Variants in ZCCHC24 observed in about 807,000 individuals in gnomAD.
The protein encoded by ZCCHC24 is zinc finger CCHC-type containing 24, also known as zinc finger CCHC domain-containing protein 24.
In ZCCHC24, 10 loss-of-function variants were observed where a neutral mutation model predicts 26.2. The observed-to-expected ratio is 0.38, with a 90% CI of 0.24 to 0.65. The LOEUF (loss-of-function observed/expected upper bound fraction) is 0.65, where lower values mean the gene tolerates loss of function less well. ZCCHC24 is among the 30% of genes least tolerant of loss of function. ZCCHC24 has a pLI of 0.54. For missense variants in ZCCHC24, 243 were observed against 329.1 expected, an observed-to-expected ratio of 0.74 and a Z score of 2.03; for synonymous variants, 144 against 147.1, an observed-to-expected ratio of 0.98 and a Z score of 0.15.
intron 2 of ZCCHC24, among the ~76,000 whole-genome samples, chr10:79,417,106 C>A (rs1447020178): frequency 6.6e-6 from 1 of 152,180 alleles, no homozygotes; most frequent in Non-Finnish European, 1.5e-5. Flanking sequence ...GGATCACAAT[C>A]AAAAGAGAAT....
chr10:79,406,243 A>G (rs1856710347), intron 2 of ZCCHC24, among the ~76,000 whole-genome samples: 1 of 152,182 alleles, frequency 6.6e-6, no homozygotes, highest in South Asian at 2.1e-4. Context: ...GCTTCGAACC[A>G]TGGCCTTTCT....
At chr10:79,422,907 G>T (rs1856967464) in intron 2 of ZCCHC24, among the ~76,000 whole-genome samples, 1 of 152,242 alleles carries the variant, frequency 6.6e-6, no homozygotes, top group African/African-American at 2.4e-5. Flanking sequence ...AGTGCCTGAA[G>T]GGTGGCTGTC....
At chr10:79,410,078 T>C (rs9943407) in intron 2 of ZCCHC24, among the ~76,000 whole-genome samples, 47,306 of 152,112 alleles carry the variant, frequency 0.31, 8,462 homozygotes, top group African/African-American at 0.48. Flanking sequence ...GCCAAGCACA[T>C]CTGTGCCTCA....
In ZCCHC24 at chr10:79,386,429, G is replaced by C. The variant is rs778777022; in HGVS notation, c.642C>G (p.Asp214Glu). ...GGTGCTCCTTGCTCTGGTCGGACAC[G>C]TCCAGGCCGTCGGGCTTCTCCAGGG... is the stretch of plus-strand genomic sequence containing the variant. ...QRPLEKPDGL[D>E]VSDQSKEHPQ... The change falls in exon 4 of 4, where the codon GAC becomes GAG. Residue 214 changes from aspartate to glutamate, a missense_variant. Coordinates refer to ENST00000372336, the MANE Select transcript of ZCCHC24 (RefSeq NM_153367.4). The C allele has an allele frequency of 6.2e-7, 1 of 1,604,092 alleles. No individual in the cohort carries two copies. The highest frequency in any genetic ancestry group is 8.5e-7 in the Non-Finnish European group (1 of 1,172,316).
chr10:79,400,664 G>A (rs571327546), intron 2 of ZCCHC24, among the ~76,000 whole-genome samples: 4 of 152,312 alleles, frequency 2.6e-5, no homozygotes, highest in South Asian at 2.1e-4. Flanking sequence ...CCTAGGGGGC[G>A]CACTGTGCTT....
intron 2 of ZCCHC24, among the ~76,000 whole-genome samples, chr10:79,421,384 C>T (rs1856932998): frequency 6.6e-6 from 1 of 151,788 alleles, no homozygotes; most frequent in South Asian, 2.1e-4. Flanking sequence ...AGTCCTTCCT[C>T]AGTGGGAACA....
At chr10:79,408,606 A>G (rs1762401698) in intron 2 of ZCCHC24, among the ~76,000 whole-genome samples, 1 of 152,280 alleles carries the variant, frequency 6.6e-6, no homozygotes, top group South Asian at 2.1e-4. Context: ...GCGGAAGAAA[A>G]GTAAGTATCC....
At chr10:79,389,046 G>A (rs765915302) in intron 3 of ZCCHC24, among the ~76,000 whole-genome samples, 3 of 152,156 alleles carry the variant, frequency 2.0e-5, no homozygotes, top group Non-Finnish European at 2.9e-5. Context: ...TGTGACCAGT[G>A]CCCACCCCAG....
rs888512151 is a variant in ZCCHC24, at chr10:79,401,933, G to A, written c.448-7493C>T. ...AGCCCGGCCGCTGAGGTGGCCCTGG[G>A]CTCCAGTCTACCTTCCCAGAGAGCA... On this transcript the variant is annotated intron_variant, in intron 2 of 3. Transcript: ENST00000372336. 2.0e-5 allele frequency among the ~76,000 whole-genome samples: 3 copies of A among 152,242 alleles called. No homozygotes were observed. In the South Asian group the frequency reaches 6.2e-4, roughly 32 times the overall value.
chr10:79,388,690 C>T (rs1239925219), intron 3 of ZCCHC24, among the ~76,000 whole-genome samples: 1 of 152,214 alleles, frequency 6.6e-6, no homozygotes, highest in Non-Finnish European at 1.5e-5. Context: ...AGGCCAGACT[C>T]AGCAGGCCCC....
At chr10:79,418,134 C>T (rs2132202388) in intron 2 of ZCCHC24, among the ~76,000 whole-genome samples, 1 of 152,332 alleles carries the variant, frequency 6.6e-6, no homozygotes, top group East Asian at 1.9e-4. Context: ...GGCCTAAACA[C>T]CCTCGCTCGC....
chr10:79,425,411 AGGCTTG>A (rs2132210006), intron 2 of ZCCHC24, among the ~76,000 whole-genome samples: 1 of 152,360 alleles, frequency 6.6e-6, no homozygotes, highest in South Asian at 2.1e-4. Context: ...TGGCCAGACC[AGGCTTG>A]GGATGGCCTC....
At position 79,401,777 on chromosome 10, in the gene ZCCHC24, C is replaced by T. The variant is rs545255333; in HGVS notation, c.448-7337G>A. Among the ~76,000 whole-genome samples, 34 of 152,270 alleles carry T rather than the reference C, an allele frequency of 2.2e-4. 1 individual carries two copies. The South Asian group carries it at 6.8e-3, about 31-fold the overall frequency. On this transcript the variant is annotated intron_variant, in intron 2 of 3. Coordinates refer to ENST00000372336, the MANE Select transcript of ZCCHC24 (RefSeq NM_153367.4). The stretch of plus-strand genomic sequence containing the variant: ...TCCGCCCTCCCATGGAGCACAAGGC[C>T]GACCCCACCGTGCGTCCAGCTGAGA...
chr10:79,440,927 T>C (rs983200360), intron 1 of ZCCHC24, among the ~76,000 whole-genome samples: 1 of 152,134 alleles, frequency 6.6e-6, no homozygotes, highest in Non-Finnish European at 1.5e-5. Flanking sequence ...GAGGGTCAGG[T>C]TGCCTCAGCC....
Position 79,432,694 on chromosome 10 carries a change from C to T in ZCCHC24, c.311G>A (p.Gly104Asp). The change falls in exon 2 of 4, where the codon GGC becomes GAC. Residue 104 changes from glycine to aspartate, a missense_variant. By Grantham distance (94) the Gly-to-Asp change is moderately conservative. Transcript: ENST00000372336. ...PYGSLNNIAD[G>D]LSSLTEHFSD... ...GAAGTGCTCGGTGAGGGAGCTGAGG[C>T]CATCGGCGATGTTGTTGAGGGAGCC... The T allele has an allele frequency of 6.2e-7, 1 of 1,608,554 alleles. No individual in the cohort carries two copies. The highest frequency in any genetic ancestry group is 8.5e-7 in the Non-Finnish European group (1 of 1,178,040).
At chr10:79,404,248 C>A (rs1564634026) in intron 2 of ZCCHC24, among the ~76,000 whole-genome samples, 1 of 152,354 alleles carries the variant, frequency 6.6e-6, no homozygotes, top group East Asian at 1.9e-4. Flanking sequence ...CAGCAAGAAG[C>A]CCCCTCTCCA....
chr10:79,399,455 GC>G (rs1172872550), intron 2 of ZCCHC24, among the ~76,000 whole-genome samples: 10 of 152,214 alleles, frequency 6.6e-5, no homozygotes, highest in Non-Finnish European at 1.2e-4. Flanking sequence ...CCTGACCCAG[GC>G]CCCTGCCACG....
intron 2 of ZCCHC24, among the ~76,000 whole-genome samples, chr10:79,419,393 A>T (rs1856910065): frequency 6.6e-6 from 1 of 152,234 alleles, no homozygotes; most frequent in Non-Finnish European, 1.5e-5. Flanking sequence ...GGCGAAGGAC[A>T]CACAGCTGGG....
At chr10:79,419,935 TA>T (rs1856915051) in intron 2 of ZCCHC24, among the ~76,000 whole-genome samples, 1 of 151,962 alleles carries the variant, frequency 6.6e-6, no homozygotes, top group African/African-American at 2.4e-5. Flanking sequence ...GCAATTCTTC[TA>T]AAAGCAGAAC....
Sources: allele counts gnomAD v4.1 joint callset (sites outside exome capture counted in the v4.1 genomes callset), GRCh38; gene constraint gnomAD v4.1.1; transcripts MANE v1.5; gene names NCBI Gene and HGNC (gene_info 2026-07-23, HGNC 2026-07-21).